Variants in CLASP2 observed in about 807,000 individuals in gnomAD.
The protein encoded by CLASP2 is CLIP-associating protein 2.
Under a neutral mutation model 194.4 loss-of-function variants are expected in CLASP2, and 47 were observed. The ratio of observed to expected loss-of-function variants is 0.24; its 90% confidence interval spans 0.19 to 0.31. CLASP2 has a LOEUF of 0.31. Among genes scored for constraint, CLASP2 ranks in the 10% least tolerant of loss-of-function variants. The probability of loss-of-function intolerance (pLI) is 1.00; values close to 1 mark genes in which losing one functional copy is unlikely to be tolerated. For missense variants in CLASP2, 1,445 were observed against 1,823.6 expected (o/e 0.79, Z 3.78); for synonymous variants, 619 against 633.5 (o/e 0.98, Z 0.34).
chr3:33,514,275 C>A (rs1358268506), intron 36 of CLASP2, among the ~76,000 whole-genome samples: 1 of 151,374 alleles, frequency 6.6e-6, no homozygotes, highest in African/African-American at 2.4e-5. Flanking sequence ...GCGTAAGCCA[C>A]CATGCCCAGC....
intron 8 of CLASP2, among the ~76,000 whole-genome samples, chr3:33,636,019 T>A (rs1275889914): frequency 6.6e-6 from 1 of 152,198 alleles, no homozygotes; most frequent in Non-Finnish European, 1.5e-5. Context: ...ATCCTGGTAG[T>A]TAGTTGTATA....
Position 33,544,856 on chromosome 3 carries a change from C to A in CLASP2, c.3154-15G>T, listed in dbSNP as rs752916905. The A allele has an allele frequency of 6.3e-7, 1 of 1,586,138 alleles. No individual in the cohort carries two copies. The highest frequency in any genetic ancestry group is 8.6e-7 in the Non-Finnish European group (1 of 1,167,334). On this transcript the variant is annotated splice_polypyrimidine_tract_variant and intron_variant, in intron 30 of 38. Transcript: ENST00000682230. Reference sequence around the variant, plus strand: ...GACTGTGCTGCCTAAAAAACAAAGGCATACAGTAGATGAATATATTTTTGT... The same window carrying A: ...GACTGTGCTGCCTAAAAAACAAAGGAATACAGTAGATGAATATATTTTTGT...
chr3:33,648,432 G>GA (rs1431166795), intron 7 of CLASP2, among the ~76,000 whole-genome samples: 1 of 151,628 alleles, frequency 6.6e-6, no homozygotes, highest in East Asian at 1.9e-4. Context: ...TATTCCACGG[G>GA]AAAAAAATCA....
At chr3:33,687,431 T>G (rs1419310597) in intron 4 of CLASP2, among the ~76,000 whole-genome samples, 1 of 152,222 alleles carries the variant, frequency 6.6e-6, no homozygotes, top group East Asian at 1.9e-4. Flanking sequence ...CCTAGCAACC[T>G]ATGAATAACT....
chr3:33,668,916 T>A (rs1329155516), intron 6 of CLASP2, among the ~76,000 whole-genome samples: 2 of 152,188 alleles, frequency 1.3e-5, no homozygotes, highest in African/African-American at 4.8e-5. Context: ...ATGGTAAGAA[T>A]GGCTAGGGGT....
chr3:33,628,070 CAACT>C lies in CLASP2; in HGVS notation c.943-994_943-991del, dbSNP rs2078368365. Among the ~76,000 whole-genome samples, 3 of 152,080 alleles carry C rather than the reference CAACT, an allele frequency of 2.0e-5. No homozygotes were observed. The South Asian group carries it at 6.2e-4, about 31-fold the overall frequency. On this transcript the variant is annotated intron_variant, in intron 9 of 38. Transcript: ENST00000682230. ...ATGAGAAATAGACTCCTGGTGATAC[CAACT>C]GAGTACCTTCATCAAACCGCCTTAC...
chr3:33,628,282 T>C (rs1577420348), intron 9 of CLASP2, among the ~76,000 whole-genome samples: 2 of 152,252 alleles, frequency 1.3e-5, no homozygotes, highest in South Asian at 2.1e-4. Context: ...GAGCTAGCTC[T>C]TTCCTGCCTC....
chr3:33,673,354 T>C (rs1446365948), intron 6 of CLASP2, among the ~76,000 whole-genome samples: 1 of 151,864 alleles, frequency 6.6e-6, no homozygotes, highest in Non-Finnish European at 1.5e-5. Context: ...GCTTCAGAAG[T>C]GAAGGAGAAA....
chr3:33,626,924 C>T, intron 10 of CLASP2, 64 bp downstream of exon 10: 1 of 978,606 alleles, frequency 1.0e-6, no homozygotes, highest in South Asian at 1.5e-5. Context: ...TACTGAATTT[C>T]CATGTTTTTT....
At chr3:33,591,366 A>G (rs1310814508) in intron 21 of CLASP2, among the ~76,000 whole-genome samples, 1 of 152,172 alleles carries the variant, frequency 6.6e-6, no homozygotes, top group Non-Finnish European at 1.5e-5. Context: ...TAATCCCAGC[A>G]CTCTGGGAGG....
At position 33,510,715 on chromosome 3, in the gene CLASP2, C is replaced by G; in HGVS notation, c.4160G>C (p.Ser1387Thr). The G allele has an allele frequency of 6.2e-7, 1 of 1,613,322 alleles. No homozygotes were observed. The highest frequency in any genetic ancestry group is 8.5e-7 in the Non-Finnish European group (1 of 1,179,620). Residue 1387 changes from serine to threonine, a missense_variant, in exon 37 of 39, where the codon AGT (serine) becomes ACT (threonine). Transcript: ENST00000682230. ...EAASVLATSI[S>T]PEQCIKVLCP... is the part of the protein sequence containing the mutation. ...AAGCACTTTGATGCACTGCTCTGGA[C>G]TAATTGAAGTGGCCAACACTGATGC...
At chr3:33,640,278 T>C (rs530166747) in intron 8 of CLASP2, among the ~76,000 whole-genome samples, 1 of 152,314 alleles carries the variant, frequency 6.6e-6, no homozygotes, top group East Asian at 1.9e-4. Flanking sequence ...AACAATTTTG[T>C]TGTCTGCATG....
chr3:33,560,669 G>T, intron 28 of CLASP2, 139 bp downstream of exon 28: 1 of 685,558 alleles, frequency 1.5e-6, no homozygotes, highest in Non-Finnish European at 2.5e-6. Context: ...AATATGAATG[G>T]GCATAATTAA....
intron 7 of CLASP2, among the ~76,000 whole-genome samples, chr3:33,645,947 C>T (rs1167187326): frequency 1.3e-5 from 2 of 151,092 alleles, no homozygotes; most frequent in African/African-American, 4.9e-5. Flanking sequence ...CACACACACA[C>T]ACACACACAC....
intron 30 of CLASP2, among the ~76,000 whole-genome samples, chr3:33,550,219 A>G (rs1477136478): frequency 2.0e-5 from 3 of 151,856 alleles, no homozygotes; most frequent in Non-Finnish European, 4.4e-5. Context: ...GCTTGGTCCA[A>G]TATGGAGAAA....
chr3:33,677,272 T>C (rs1276293847), intron 6 of CLASP2, among the ~76,000 whole-genome samples: 3 of 151,918 alleles, frequency 2.0e-5, no homozygotes, highest in East Asian at 1.9e-4. Context: ...TATTGCGGCA[T>C]TATTCACAAT....
intron 8 of CLASP2, chr3:33,644,493 C>G: frequency 2.6e-6 from 1 of 385,882 alleles, no homozygotes; most frequent in Non-Finnish European, 4.8e-6. Context: ...CAAAAAACTT[C>G]CATAAATCTT....
intron 28 of CLASP2, among the ~76,000 whole-genome samples, chr3:33,560,307 A>T (rs1261486610): frequency 6.6e-6 from 1 of 151,506 alleles, no homozygotes; most frequent in South Asian, 2.1e-4. Context: ...CAGTGGTGCA[A>T]TCTCGGCTCA....
At chr3:33,551,159 A>C in intron 30 of CLASP2, 93 bp downstream of exon 30, 1 of 1,078,738 alleles carries the variant, frequency 9.3e-7, no homozygotes, top group Non-Finnish European at 1.3e-6. Context: ...GCTAATTGCT[A>C]AGGTCCTGAA....
Sources: allele counts gnomAD v4.1 joint callset (sites outside exome capture counted in the v4.1 genomes callset), GRCh38; gene constraint gnomAD v4.1.1; transcripts MANE v1.5; gene names NCBI Gene and HGNC (gene_info 2026-07-23, HGNC 2026-07-21).